Variants in KCNH1 observed in about 807,000 individuals in gnomAD.
KCNH1 encodes potassium voltage-gated channel subfamily H member 1.
A neutral mutation model predicts 69.2 loss-of-function variants in KCNH1; 27 were observed. The observed-to-expected ratio is 0.39, with a 90% CI of 0.29 to 0.54. The LOEUF (loss-of-function observed/expected upper bound fraction) is 0.54. Ranked by LOEUF, KCNH1 falls within the 20% of genes least tolerant of loss-of-function variation. KCNH1 has a pLI of 0.68. For synonymous variants in KCNH1, 456 were observed against 487.7 expected, an observed-to-expected ratio of 0.93 and a Z score of 0.86; for missense variants, 798 against 1,261.6, an observed-to-expected ratio of 0.63 and a Z score of 5.57.
intron 10 of KCNH1, among the ~76,000 whole-genome samples, chr1:210,713,983 G>A (rs1258721613): frequency 6.6e-6 from 1 of 152,130 alleles, no homozygotes; most frequent in Non-Finnish European, 1.5e-5. Context: ...GGCTTCTCAC[G>A]ATTGTCCTAA....
At chr1:210,733,949 T>TCACACACACACA (rs142236390) in intron 10 of KCNH1, among the ~76,000 whole-genome samples, 1 of 80,450 alleles carries the variant, frequency 1.2e-5, no homozygotes, top group South Asian at 4.8e-4. Context: ...TCTGTCTGTC[T>TCACACACACACA]CACACACACA....
chr1:211,021,103 A>T (rs1689580172), intron 5 of KCNH1, among the ~76,000 whole-genome samples: 1 of 152,022 alleles, frequency 6.6e-6, no homozygotes, highest in Non-Finnish European at 1.5e-5. Context: ...GGGCTAAGCT[A>T]TGGGGATGCA....
At chr1:211,111,190 T>A (rs986711675) in intron 1 of KCNH1, among the ~76,000 whole-genome samples, 2 of 152,216 alleles carry the variant, frequency 1.3e-5, no homozygotes, top group African/African-American at 4.8e-5. Context: ...CTCACAAAAA[T>A]GTTCTGATAA....
chr1:210,833,536 A>G (rs1408175372), intron 7 of KCNH1, among the ~76,000 whole-genome samples: 1 of 152,236 alleles, frequency 6.6e-6, no homozygotes, highest in South Asian at 2.1e-4. Flanking sequence ...AATCAATTCA[A>G]GATGGATTAA....
chr1:211,130,575 C>A (rs186043701), intron 1 of KCNH1, among the ~76,000 whole-genome samples: 1 of 152,184 alleles, frequency 6.6e-6, no homozygotes, highest in Non-Finnish European at 1.5e-5. Context: ...AAACCAAAAA[C>A]AACTGCTGGC....
rs1280194109 is a variant in KCNH1, at chr1:210,844,149, G to C, written c.1463-39983C>G. Reference sequence around the variant, plus strand: ...GTAAAAACAATCTGCTGGGGCAAGGGAAAAAACACCTTGGTGATAAATAAG... The same window carrying C: ...GTAAAAACAATCTGCTGGGGCAAGGCAAAAAACACCTTGGTGATAAATAAG... On this transcript the variant is annotated intron_variant, in intron 7 of 10. Transcript: ENST00000271751. Among the ~76,000 whole-genome samples the C allele has an allele frequency of 4.6e-5, 7 of 152,020 alleles. 1 individual carries two copies. In the South Asian group the frequency reaches 1.5e-3, roughly 32 times the overall value.
intron 1 of KCNH1, among the ~76,000 whole-genome samples, 190 bp from the exon 2 acceptor site, chr1:211,107,567 G>A (rs1406336395): frequency 6.6e-6 from 1 of 152,136 alleles, no homozygotes; most frequent in African/African-American, 2.4e-5. Context: ...TATCTTGAAT[G>A]CAAGTGCTAA....
intron 1 of KCNH1, among the ~76,000 whole-genome samples, chr1:211,122,842 G>A (rs979449501): frequency 1.3e-5 from 2 of 152,092 alleles, no homozygotes; most frequent in Non-Finnish European, 2.9e-5. Context: ...GGGGTAGAAG[G>A]GAGAGAGCTT....
intron 5 of KCNH1, among the ~76,000 whole-genome samples, chr1:211,040,260 G>A (rs2102431053): frequency 6.6e-6 from 1 of 151,832 alleles, no homozygotes; most frequent in Middle Eastern, 3.4e-3. Flanking sequence ...GTGAGGACAT[G>A]AGACTTGGAG....
chr1:210,959,335 C>G (rs1313131803), intron 6 of KCNH1, among the ~76,000 whole-genome samples: 1 of 152,136 alleles, frequency 6.6e-6, no homozygotes, highest in Non-Finnish European at 1.5e-5. Context: ...CTGTCAGTCC[C>G]TACTGGGAGG....
intron 6 of KCNH1, among the ~76,000 whole-genome samples, chr1:210,961,861 A>G (rs1381235965): frequency 2.6e-5 from 4 of 151,850 alleles, no homozygotes; most frequent in African/African-American, 4.8e-5. Flanking sequence ...AAAAAAAAAG[A>G]ATACAGTTAT....
chr1:210,740,707 T>C (rs1233704472), intron 10 of KCNH1, among the ~76,000 whole-genome samples: 1 of 103,188 alleles, frequency 9.7e-6, no homozygotes, highest in African/African-American at 5.5e-5. Context: ...TGATTAAATT[T>C]TTTTTTTTTT....
chr1:210,872,080 A>G lies in KCNH1; in HGVS notation c.1462+47560T>C, dbSNP rs560397611. On this transcript the variant is annotated intron_variant, in intron 7 of 10. Coordinates refer to ENST00000271751, the MANE Select transcript of KCNH1 (RefSeq NM_172362.3). ...TAATAAATTAAAAAAAACAAAATAT[A>G]TACATAATATGATCTCGGCTATGGA... Among the ~76,000 whole-genome samples the G allele has an allele frequency of 2.6e-5, 4 of 151,464 alleles. No homozygotes were observed. In the South Asian group the frequency reaches 6.3e-4, roughly 24 times the overall value.
At chr1:210,890,744 C>T (rs898063336) in intron 7 of KCNH1, among the ~76,000 whole-genome samples, 3 of 151,788 alleles carry the variant, frequency 2.0e-5, no homozygotes, top group Non-Finnish European at 4.4e-5. Context: ...ATGACAGACA[C>T]TTATAAAAGG....
chr1:210,991,100 G>C (rs1688927336), intron 6 of KCNH1, among the ~76,000 whole-genome samples: 2 of 152,034 alleles, frequency 1.3e-5, no homozygotes, highest in Admixed American at 6.6e-5. Context: ...CCCACTTCTG[G>C]GTATATATCT....
rs577720303 is a variant in KCNH1 at position 210,899,041 on chromosome 1, C to T, written c.1462+20599G>A. On this transcript the variant is annotated intron_variant, in intron 7 of 10. Transcript: ENST00000271751. ...CTTGTTCAGGTTAACCCTAAATATCCGACTATGACCCTATTTTATAGAACC... is the reference window on the plus strand; with the variant it reads ...CTTGTTCAGGTTAACCCTAAATATCTGACTATGACCCTATTTTATAGAACC... Among the ~76,000 whole-genome samples, 133 of 152,208 alleles carry T rather than the reference C, an allele frequency of 8.7e-4. 1 individual carries two copies. Among genetic ancestry groups the T allele is most frequent in the Non-Finnish European group, 1.5e-3 (105 of 68,012 alleles).
intron 8 of KCNH1, among the ~76,000 whole-genome samples, chr1:210,798,617 A>G (rs996631959): frequency 3.9e-5 from 6 of 152,164 alleles, no homozygotes; most frequent in African/African-American, 1.2e-4. Context: ...CATCTGAAGA[A>G]GATCATTGAA....
At chr1:210,921,667 T>C (rs1388019181) in intron 6 of KCNH1, among the ~76,000 whole-genome samples, 1 of 152,168 alleles carries the variant, frequency 6.6e-6, no homozygotes, top group African/African-American at 2.4e-5. Context: ...ATATGTCACT[T>C]CCAGGCCACG....
At chr1:210,924,062 G>A (rs1053974401) in intron 6 of KCNH1, among the ~76,000 whole-genome samples, 29 of 152,170 alleles carry the variant, frequency 1.9e-4, no homozygotes, top group Non-Finnish European at 8.8e-5. Context: ...TACAAATACA[G>A]ATTAGAGGGA....
Sources: allele counts gnomAD v4.1 joint callset (sites outside exome capture counted in the v4.1 genomes callset), GRCh38; gene constraint gnomAD v4.1.1; transcripts MANE v1.5; gene names NCBI Gene and HGNC (gene_info 2026-07-23, HGNC 2026-07-21).